PDE3B: variants seen among roughly 807,000 people sequenced by gnomAD.
PDE3B encodes the protein cGMP-inhibited 3',5'-cyclic phosphodiesterase 3B.
PDE3B carries 66 observed loss-of-function variants against 116.8 expected under a neutral mutation model. The ratio of observed to expected loss-of-function variants is 0.56; its 90% CI spans 0.46 to 0.69. PDE3B has a LOEUF of 0.69. Ranked by LOEUF, PDE3B falls within the 30% of genes least tolerant of loss-of-function variation. The pLI is 0.00. For missense variants in PDE3B, 1,384 were observed against 1,368.1 expected (o/e 1.01, Z -0.18); for synonymous variants, 595 against 533.6 (o/e 1.12, Z -1.59).
intron 1 of PDE3B, among the ~76,000 whole-genome samples, chr11:14,725,957 T>A (rs1034534063): frequency 6.6e-6 from 1 of 152,136 alleles, no homozygotes; most frequent in East Asian, 1.9e-4. Context: ...TATGATCTAG[T>A]CACTTTTTTG....
chr11:14,759,435 C>T (rs1184346945), intron 1 of PDE3B, among the ~76,000 whole-genome samples: 1 of 152,064 alleles, frequency 6.6e-6, no homozygotes, highest in Non-Finnish European at 1.5e-5. Flanking sequence ...TTCCTTTTTA[C>T]ACTGACATCT....
Position 14,673,935 on chromosome 11 carries a change from G to A in PDE3B, c.978+28882G>A. 3.6e-6 allele frequency: 5 copies of A among 1,374,012 alleles called. No homozygotes were observed. In the South Asian group the frequency reaches 4.6e-5, roughly 13 times the overall value. 85.1% of individuals were successfully genotyped at this position (1,374,012 alleles called of 1,614,324 possible). On this transcript the variant is annotated intron_variant, in intron 1 of 15. Coordinates refer to ENST00000282096, the MANE Select transcript of PDE3B (RefSeq NM_000922.4). Reference sequence around the variant, plus strand: ...ATTAACCGCATACTCCTTATTATCTGTGTTTCCACCAGATTTCTTGTAATT... The same window carrying A: ...ATTAACCGCATACTCCTTATTATCTATGTTTCCACCAGATTTCTTGTAATT...
At chr11:14,862,074 G>A (rs1354563822) in intron 14 of PDE3B, among the ~76,000 whole-genome samples, 1 of 152,204 alleles carries the variant, frequency 6.6e-6, no homozygotes, top group Non-Finnish European at 1.5e-5. Flanking sequence ...TTGCCTCTTA[G>A]TGCACATGCT....
At chr11:14,782,341 G>A (rs914326608) in intron 2 of PDE3B, among the ~76,000 whole-genome samples, 1 of 152,174 alleles carries the variant, frequency 6.6e-6, no homozygotes, top group East Asian at 1.9e-4. Flanking sequence ...GAGGCATCAT[G>A]CTATCTGACT....
intron 1 of PDE3B, among the ~76,000 whole-genome samples, chr11:14,663,976 C>T (rs1185358619): frequency 6.6e-6 from 1 of 152,094 alleles, no homozygotes; most frequent in Non-Finnish European, 1.5e-5. Context: ...TTTTTCAGCA[C>T]CACACCACAC....
chr11:14,827,113 T>G (rs993540356), intron 7 of PDE3B, among the ~76,000 whole-genome samples: 2 of 152,120 alleles, frequency 1.3e-5, no homozygotes, highest in African/African-American at 4.8e-5. Flanking sequence ...TTTGATAAAA[T>G]TCAACATCCC....
intron 2 of PDE3B, among the ~76,000 whole-genome samples, chr11:14,781,514 A>T (rs1857999739): frequency 6.6e-6 from 1 of 152,220 alleles, no homozygotes; most frequent in Admixed American, 6.5e-5. Flanking sequence ...ACATACACAA[A>T]TCAATAAATG....
chr11:14,830,093 A>G (rs1859826813), intron 7 of PDE3B, among the ~76,000 whole-genome samples: 1 of 152,118 alleles, frequency 6.6e-6, no homozygotes, highest in Non-Finnish European at 1.5e-5. Context: ...GTGTAAATAT[A>G]CCACAAGTTA....
At chr11:14,821,439 A>C (rs993658730) in intron 7 of PDE3B, among the ~76,000 whole-genome samples, 1 of 152,198 alleles carries the variant, frequency 6.6e-6, no homozygotes, top group Admixed American at 6.5e-5. Flanking sequence ...CATCTTTAGA[A>C]AGAAATGCTT....
chr11:14,658,681 A>G (rs1359148387), intron 1 of PDE3B, among the ~76,000 whole-genome samples: 2 of 152,234 alleles, frequency 1.3e-5, no homozygotes, highest in Admixed American at 6.5e-5. Context: ...TATAGTGTCT[A>G]TATAGTTGCA....
chr11:14,661,317 A>G (rs1252531419), intron 1 of PDE3B, among the ~76,000 whole-genome samples: 1 of 152,246 alleles, frequency 6.6e-6, no homozygotes, highest in Non-Finnish European at 1.5e-5. Context: ...GGCGGTTAAG[A>G]GGAGGATAGT....
At chr11:14,657,846 C>T (rs1220037489) in intron 1 of PDE3B, among the ~76,000 whole-genome samples, 1 of 152,140 alleles carries the variant, frequency 6.6e-6, no homozygotes, top group Non-Finnish European at 1.5e-5. Flanking sequence ...CACCCAAATT[C>T]CCTGCCCAAA....
intron 4 of PDE3B, among the ~76,000 whole-genome samples, chr11:14,793,793 A>G (rs938953660): frequency 6.6e-6 from 1 of 152,190 alleles, no homozygotes; most frequent in African/African-American, 2.4e-5. Flanking sequence ...ATGAAATCTA[A>G]TAACTCGTTG....
chr11:14,894,010 A>G, the PDE3B span, among the ~76,000 whole-genome samples: 4 of 152,116 alleles, frequency 2.6e-5, no homozygotes, highest in African/African-American at 9.7e-5. Context: ...AGTGTTTCCA[A>G]TTTCTCTCCA....
chr11:14,688,531 G>A (rs1464452802), intron 1 of PDE3B, among the ~76,000 whole-genome samples: 1 of 152,094 alleles, frequency 6.6e-6, no homozygotes, highest in Non-Finnish European at 1.5e-5. Flanking sequence ...TATTGTCTGA[G>A]TACATTCTAT....
intron 1 of PDE3B, among the ~76,000 whole-genome samples, chr11:14,752,418 A>G (rs1235911925): frequency 6.6e-6 from 1 of 152,190 alleles, no homozygotes; most frequent in African/African-American, 2.4e-5. Flanking sequence ...TTAATCTATC[A>G]AAGAAAAGAA....
In PDE3B at chr11:14,644,464, T is replaced by TCTTCCTCACCTG. The variant is rs780801559; in HGVS notation, c.400_411dup (p.Cys134_Thr137dup). 6.2e-7 allele frequency: 1 copy of TCTTCCTCACCTG among 1,613,178 alleles called. No homozygotes were observed. The highest frequency in any genetic ancestry group is 8.5e-7 in the Non-Finnish European group (1 of 1,179,688). Reference sequence around the variant, plus strand: ...CTCTTCAGCATCGCCTGTGCCTTCTTCTTCCTCACCTGCTTCCTCACCCGG... The same window carrying TCTTCCTCACCTG: ...CTCTTCAGCATCGCCTGTGCCTTCTTCTTCCTCACCTGCTTCCTCACCTGCTTCCTCACCCGG... On this transcript the variant is annotated inframe_insertion, in exon 1 of 16. Transcript: ENST00000282096.
chr11:14,886,711 G>A, the PDE3B span: 3 of 152,264 alleles, frequency 2.0e-5, no homozygotes, highest in African/African-American at 7.2e-5. Flanking sequence ...GGAATGTAAA[G>A]ATTGCTTATT....
At chr11:14,822,598 C>T (rs1282278144) in intron 7 of PDE3B, among the ~76,000 whole-genome samples, 1 of 152,188 alleles carries the variant, frequency 6.6e-6, no homozygotes, top group African/African-American at 2.4e-5. Flanking sequence ...GGAGACCCTC[C>T]TCGTAAACCC....
Sources: allele counts gnomAD v4.1 joint callset (sites outside exome capture counted in the v4.1 genomes callset), GRCh38; gene constraint gnomAD v4.1.1; transcripts MANE v1.5; gene names NCBI Gene and HGNC (gene_info 2026-07-23, HGNC 2026-07-21).